The following HCFC2 variants were observed in gnomAD, a reference collection of about 807,000 sequenced individuals.
HCFC2 encodes host cell factor C2.
Under a neutral mutation model 89.2 loss-of-function variants are expected in HCFC2, and 18 were observed. The ratio of observed to expected loss-of-function variants is 0.20; its 90% CI spans 0.14 to 0.30. The LOEUF is 0.30. Among genes scored for constraint, HCFC2 ranks in the 10% least tolerant of loss-of-function variants. HCFC2 has a pLI of 1.00. For synonymous variants in HCFC2, 308 were observed against 335.7 expected, an observed-to-expected ratio of 0.92 and a Z score of 0.90; for missense variants, 578 against 956.1, an observed-to-expected ratio of 0.60 and a Z score of 5.21.
intron 7 of HCFC2, 124 bp from the exon 8 acceptor site, chr12:104,086,723 T>C (rs1883861772): frequency 2.9e-6 from 2 of 679,524 alleles, no homozygotes; most frequent in Non-Finnish European, 4.6e-6. Flanking sequence ...AAACTTTCCC[T>C]GTCTTGGTAA....
intron 13 of HCFC2, among the ~76,000 whole-genome samples, chr12:104,100,194 A>G (rs1420592443): frequency 2.6e-5 from 4 of 152,172 alleles, no homozygotes; most frequent in African/African-American, 4.8e-5. Context: ...AGGACCTCAT[A>G]TACATATATG....
At chr12:104,067,837 C>T in intron 2 of HCFC2, 110 bp from the exon 3 acceptor site, 1 of 1,079,410 alleles carries the variant, frequency 9.3e-7, no homozygotes, top group Middle Eastern at 2.2e-4. Context: ...TTTTTAGTGC[C>T]TTCTGATGGG....
chr12:104,070,632 A>C (rs1566224884), intron 3 of HCFC2, among the ~76,000 whole-genome samples: 2 of 152,158 alleles, frequency 1.3e-5, no homozygotes, highest in Non-Finnish European at 2.9e-5. Context: ...AATACAGTAG[A>C]GTTATCAACC....
chr12:104,089,007 TC>T (rs1883946603), intron 9 of HCFC2, among the ~76,000 whole-genome samples: 1 of 152,162 alleles, frequency 6.6e-6, no homozygotes, highest in Non-Finnish European at 1.5e-5. Flanking sequence ...TGCACAGTTG[TC>T]CTTCTGTATC....
chr12:104,102,804 G>T (rs1306262617), intron 14 of HCFC2, among the ~76,000 whole-genome samples, 155 bp from the exon 15 acceptor site: 2 of 152,090 alleles, frequency 1.3e-5, no homozygotes, highest in Non-Finnish European at 2.9e-5. Flanking sequence ...TCCAAATGAG[G>T]TAGGTTTTAA....
At chr12:104,070,886 G>A (rs968387307) in intron 3 of HCFC2, among the ~76,000 whole-genome samples, 2 of 146,276 alleles carry the variant, frequency 1.4e-5, no homozygotes, top group Non-Finnish European at 3.0e-5. Context: ...CTCACTGCAA[G>A]CTCCGCCTCC....
intron 7 of HCFC2, 128 bp downstream of exon 7, chr12:104,083,029 T>A (rs1883730483): frequency 7.8e-6 from 5 of 639,614 alleles, no homozygotes; most frequent in Non-Finnish European, 1.3e-5. Context: ...GAAGAAACAA[T>A]ATGTATAGTT....
At chr12:104,070,125 C>A (rs1386470187) in intron 3 of HCFC2, among the ~76,000 whole-genome samples, 1 of 152,068 alleles carries the variant, frequency 6.6e-6, no homozygotes, top group Admixed American at 6.5e-5. Context: ...TGGGTTCACG[C>A]CATTCTCCTG....
rs2030083027 is a variant in HCFC2 at position 104,106,293 on chromosome 12, A to G, written c.*3020A>G. The G allele has an allele frequency of 6.6e-6, 1 of 152,196 alleles. No individual in the cohort carries two copies. Among genetic ancestry groups the G allele is most frequent in the Admixed American group, 6.5e-5 (1 of 15,278 alleles). 9.4% of individuals were successfully genotyped at this position (152,196 alleles called of 1,614,324 possible). On this transcript the variant is annotated 3_prime_UTR_variant, in exon 15 of 15. Coordinates refer to ENST00000229330, the MANE Select transcript of HCFC2 (RefSeq NM_013320.3). Reference sequence around the variant, plus strand: ...AAAGATATTTTTATTTTAAAAAATTACAGCCCTTGTAACAAAAATCATTTG... The same window carrying G: ...AAAGATATTTTTATTTTAAAAAATTGCAGCCCTTGTAACAAAAATCATTTG...
chr12:104,095,612 A>C lies in HCFC2; in HGVS notation c.1666+49A>C, dbSNP rs1364763692. On this transcript the variant is annotated intron_variant, in intron 11 of 14. Transcript: ENST00000229330. This position sits in a 1 kb window ranked among gnomAD's most constrained non-coding sequence, Gnocchi z 4.2. ...GTATTTTGAACCATTTATGTATATA[A>C]ATTCATCAAACTTACTTGTCTTAGA... 1.4e-6 allele frequency: 2 copies of C among 1,439,408 alleles called. No individual in the cohort carries two copies. The highest frequency in any genetic ancestry group is 2.5e-5 in the South Asian group (2 of 81,380). The allele number at this position is 1,439,408 out of a possible 1,614,324, so 89.2% of individuals were successfully genotyped here.
chr12:104,085,439 G>T (rs1883806274), intron 7 of HCFC2, among the ~76,000 whole-genome samples: 1 of 151,990 alleles, frequency 6.6e-6, no homozygotes, highest in African/African-American at 2.4e-5. Flanking sequence ...GAAATTGGAT[G>T]AAAAAAATGT....
chr12:104,075,464 T>TTA, intron 3 of HCFC2, among the ~76,000 whole-genome samples: 1 of 149,750 alleles, frequency 6.7e-6, no homozygotes, highest in East Asian at 1.9e-4. Flanking sequence ...AACCTTTTTT[T>TTA]TTTTTTTTTT....
intron 1 of HCFC2, among the ~76,000 whole-genome samples, chr12:104,065,438 T>A (rs1423388619): frequency 6.6e-6 from 1 of 151,918 alleles, no homozygotes; most frequent in Non-Finnish European, 1.5e-5. Flanking sequence ...CTGGATTTAA[T>A]TTTTTTTTCC....
intron 13 of HCFC2, among the ~76,000 whole-genome samples, chr12:104,098,774 G>A (rs1331062950): frequency 3.9e-5 from 6 of 152,242 alleles, no homozygotes. Flanking sequence ...GCCAAGGCAG[G>A]CAGATCACGA....
intron 1 of HCFC2, among the ~76,000 whole-genome samples, chr12:104,065,772 T>C (rs1883093433): frequency 6.6e-6 from 1 of 152,196 alleles, no homozygotes; most frequent in South Asian, 2.1e-4. Context: ...CAAACCTTTT[T>C]AAGCCTCACA....
rs1307942777 is a variant in HCFC2, at chr12:104,095,144, C to T, written c.1463-216C>T. ...ACAATGGTTCGGTGTTTAGAATGAACGAGGAAGGTAAAAAGTTGGATATCC... is the reference window on the plus strand; with the variant it reads ...ACAATGGTTCGGTGTTTAGAATGAATGAGGAAGGTAAAAAGTTGGATATCC... On this transcript the variant is annotated intron_variant, in intron 10 of 14. Transcript: ENST00000229330. This position sits in a 1 kb window ranked among gnomAD's most constrained non-coding sequence, Gnocchi z 4.2. Among the ~76,000 whole-genome samples, 2 of 151,948 alleles carry T rather than the reference C, an allele frequency of 1.3e-5. No homozygotes were observed. The highest frequency in any genetic ancestry group is 2.9e-5 in the Non-Finnish European group (2 of 67,964).
rs1045130456 is a variant in HCFC2, at chr12:104,094,238, C to G, written c.1462+675C>G. On this transcript the variant is annotated intron_variant, in intron 10 of 14. Transcript: ENST00000229330. ...CTGGAGTCTAGAAGGCAGTACTAGG[C>G]TAGAAACATAAATTTAGAAATTAAG... 6.5e-4 allele frequency among the ~76,000 whole-genome samples: 99 copies of G among 152,084 alleles called. 1 individual carries two copies. The highest frequency in any genetic ancestry group is 2.3e-3 in the African/African-American group (95 of 41,424).
At chr12:104,067,145 A>G (rs1241691600) in intron 2 of HCFC2, among the ~76,000 whole-genome samples, 2 of 152,226 alleles carry the variant, frequency 1.3e-5, no homozygotes, top group African/African-American at 4.8e-5. Flanking sequence ...TGGCATTGGT[A>G]TCAACTGACA....
chr12:104,093,159 C>T (rs1884073427), intron 9 of HCFC2, among the ~76,000 whole-genome samples: 1 of 152,132 alleles, frequency 6.6e-6, no homozygotes. Flanking sequence ...TCCCTTTCCT[C>T]TTCAAAACTG....
Sources: allele counts gnomAD v4.1 joint callset (sites outside exome capture counted in the v4.1 genomes callset), GRCh38; gene constraint gnomAD v4.1.1; non-coding constraint Gnocchi (gnomAD v3.1); transcripts MANE v1.5; gene names NCBI Gene and HGNC (gene_info 2026-07-23, HGNC 2026-07-21).